SLC44A5: variants seen among roughly 807,000 people sequenced by gnomAD.
SLC44A5 encodes choline transporter-like protein 5.
Under a neutral mutation model 101.8 loss-of-function variants are expected in SLC44A5, and 57 were observed. The observed-to-expected ratio is 0.56, with a 90% CI of 0.45 to 0.70. SLC44A5 has a LOEUF of 0.70. Ranked by LOEUF, SLC44A5 falls within the 30% of genes least tolerant of loss-of-function variation. The pLI, the probability that SLC44A5 is intolerant of heterozygous loss-of-function variation, is 0.00. For synonymous variants in SLC44A5, 281 were observed against 290.9 expected (o/e 0.97, Z 0.35); for missense variants, 737 against 853.1 (o/e 0.86, Z 1.70).
At chr1:75,677,846 G>A in the SLC44A5 span, 1 of 376,614 alleles carries the variant, frequency 2.7e-6, no homozygotes, top group African/African-American at 2.2e-5. Flanking sequence ...TTCCATCTGA[G>A]GTACCGGGTT....
chr1:75,487,657 T>G (rs757451169), intron 2 of SLC44A5, among the ~76,000 whole-genome samples: 12 of 152,230 alleles, frequency 7.9e-5, no homozygotes, highest in Non-Finnish European at 2.9e-5. Context: ...TATGGTCATC[T>G]GTCACTTAAC....
intron 4 of SLC44A5, among the ~76,000 whole-genome samples, chr1:75,338,721 A>G (rs1657638628): frequency 6.6e-6 from 1 of 152,230 alleles, no homozygotes; most frequent in South Asian, 2.1e-4. Flanking sequence ...TTACAAAATT[A>G]GAACAAACTG....
intron 1 of SLC44A5, among the ~76,000 whole-genome samples, chr1:75,599,196 C>T (rs1335331166): frequency 6.6e-6 from 1 of 152,116 alleles, no homozygotes; most frequent in South Asian, 2.1e-4. Flanking sequence ...AATCAAAATG[C>T]TCGCATTGCT....
the SLC44A5 span, among the ~76,000 whole-genome samples, chr1:75,630,079 A>G: frequency 6.6e-6 from 1 of 152,070 alleles, no homozygotes; most frequent in Non-Finnish European, 1.5e-5. Context: ...ATTGTTTCTG[A>G]TATCTGTGGG....
chr1:75,440,382 G>T (rs1665128355), intron 2 of SLC44A5, among the ~76,000 whole-genome samples: 1 of 152,072 alleles, frequency 6.6e-6, no homozygotes, highest in South Asian at 2.1e-4. Flanking sequence ...AAATTCAAAG[G>T]CCATGTGGTA....
intron 2 of SLC44A5, among the ~76,000 whole-genome samples, chr1:75,516,530 A>G (rs1265304487): frequency 6.6e-6 from 1 of 152,162 alleles, no homozygotes; most frequent in Admixed American, 6.5e-5. Context: ...AAAAAAAATT[A>G]AAAATAAAAA....
At chr1:75,245,622 G>A (rs1649041240) in intron 7 of SLC44A5, among the ~76,000 whole-genome samples, 1 of 152,052 alleles carries the variant, frequency 6.6e-6, no homozygotes, top group Non-Finnish European at 1.5e-5. Context: ...TTGAGACCAT[G>A]ATGATTCTGT....
At chr1:75,231,074 G>A (rs1047594583) in intron 12 of SLC44A5, among the ~76,000 whole-genome samples, 1 of 152,190 alleles carries the variant, frequency 6.6e-6, no homozygotes, top group African/African-American at 2.4e-5. Flanking sequence ...GATGTTAATT[G>A]AGGAAACTTT....
At chr1:75,628,966 G>A in the SLC44A5 span, among the ~76,000 whole-genome samples, 6 of 152,026 alleles carry the variant, frequency 3.9e-5, no homozygotes, top group African/African-American at 9.7e-5. Flanking sequence ...TACCAGAAAA[G>A]GGAACTATTG....
the SLC44A5 span, among the ~76,000 whole-genome samples, chr1:75,672,932 C>T: frequency 6.6e-6 from 1 of 152,068 alleles, no homozygotes; most frequent in Non-Finnish European, 1.5e-5. Flanking sequence ...AGCCCTTCAG[C>T]CCTGACTAGT....
intron 1 of SLC44A5, among the ~76,000 whole-genome samples, chr1:75,551,053 ACCCT>A (rs957120193): frequency 7.2e-5 from 11 of 152,126 alleles, no homozygotes; most frequent in African/African-American, 2.7e-4. Context: ...CACACAGTAG[ACCCT>A]CAATCACTAT....
chr1:75,247,185 A>G (rs1649179429), intron 7 of SLC44A5, among the ~76,000 whole-genome samples: 1 of 152,026 alleles, frequency 6.6e-6, no homozygotes, highest in Admixed American at 6.6e-5. Context: ...ACTAGGGAAG[A>G]GGTGGTGAGA....
the SLC44A5 span, among the ~76,000 whole-genome samples, chr1:75,618,870 G>A: frequency 2.6e-5 from 4 of 152,048 alleles, no homozygotes; most frequent in Non-Finnish European, 5.9e-5. Context: ...AGGAGTTCAC[G>A]ACCAGCCTGG....
the SLC44A5 span, among the ~76,000 whole-genome samples, chr1:75,684,579 C>T: frequency 8.5e-5 from 13 of 152,302 alleles, no homozygotes; most frequent in East Asian, 2.5e-3. Context: ...CTACAGGCCC[C>T]ATGCAAGTCC....
At chr1:75,322,987 T>G (rs900556039) in intron 4 of SLC44A5, among the ~76,000 whole-genome samples, 1 of 151,670 alleles carries the variant, frequency 6.6e-6, no homozygotes, top group African/African-American at 2.4e-5. Flanking sequence ...CATGTGCACA[T>G]TGTGCAGGTT....
In SLC44A5 at chr1:75,344,442, A is replaced by G. The variant is rs545888497; in HGVS notation, c.53-4812T>C. Among the ~76,000 whole-genome samples, 24 of 152,302 alleles carry G rather than the reference A, an allele frequency of 1.6e-4. 1 individual carries two copies. In the South Asian group the frequency reaches 4.6e-3, roughly 29 times the overall value. ...CTGGACCCTGTAAATGTTACCTAAT[A>G]TAAGGAAAGGGATTTTGCAGATGTG... is the stretch of plus-strand genomic sequence containing the variant. On this transcript the variant is annotated intron_variant, in intron 3 of 23. Coordinates refer to ENST00000370859, the MANE Select transcript of SLC44A5 (RefSeq NM_001130058.2).
At chr1:75,563,372 A>T (rs1301633103) in intron 1 of SLC44A5, among the ~76,000 whole-genome samples, 3 of 152,060 alleles carry the variant, frequency 2.0e-5, no homozygotes, top group African/African-American at 7.2e-5. Flanking sequence ...AATGTGTCAC[A>T]CCTAAACAAG....
chr1:75,443,551 A>G (rs1172937765), intron 2 of SLC44A5, among the ~76,000 whole-genome samples: 1 of 152,014 alleles, frequency 6.6e-6, no homozygotes, highest in Non-Finnish European at 1.5e-5. Flanking sequence ...GGAAGCCTGA[A>G]TTATAACTAT....
the SLC44A5 span, among the ~76,000 whole-genome samples, chr1:75,672,339 G>T: frequency 2.6e-5 from 4 of 152,070 alleles, no homozygotes; most frequent in African/African-American, 7.2e-5. Context: ...ATTCAGTGCC[G>T]CACTGTCACA....
Sources: allele counts gnomAD v4.1 joint callset (sites outside exome capture counted in the v4.1 genomes callset), GRCh38; gene constraint gnomAD v4.1.1; transcripts MANE v1.5; gene names NCBI Gene and HGNC (gene_info 2026-07-23, HGNC 2026-07-21).